Variants in SEMA3A observed in about 807,000 individuals in gnomAD.
The protein encoded by SEMA3A is semaphorin-3A.
Under a neutral mutation model 97.9 loss-of-function variants are expected in SEMA3A, and 29 were observed. That is an observed-to-expected ratio of 0.30 (90% CI 0.22 to 0.40). The LOEUF (loss-of-function observed/expected upper bound fraction) is 0.40, where lower values mean the gene tolerates loss of function less well. Among genes scored for constraint, SEMA3A ranks in the 10% least tolerant of loss-of-function variants. SEMA3A has a pLI of 1.00. For missense variants in SEMA3A, 763 were observed against 951.3 expected (o/e 0.80, Z 2.60); for synonymous variants, 321 against 323.7 (o/e 0.99, Z 0.09).
chr7:84,208,707 G>A lies in SEMA3A; in HGVS notation c.-82-14039C>T, dbSNP rs754661351. ...TACTGAATGATACAAACTCATGAGC[G>A]ATTTCTGGCATCTTAAGTATAAGTG... On this transcript the variant is annotated intron_variant, in intron 3 of 3. Coordinates refer to the SEMA3A transcript ENST00000424555. Among the ~76,000 whole-genome samples, 3 of 152,248 alleles carry A rather than the reference G, an allele frequency of 2.0e-5. No individual in the cohort carries two copies. The South Asian group carries it at 6.2e-4, about 32-fold the overall frequency.
intron 15 of SEMA3A, among the ~76,000 whole-genome samples, chr7:83,964,689 G>A (rs1788601902): frequency 6.6e-6 from 1 of 152,054 alleles, no homozygotes; most frequent in East Asian, 1.9e-4. Flanking sequence ...CCAATATTGG[G>A]AATTATCTGT....
chr7:84,397,436 T>A (rs1046141129), intron 1 of SEMA3A, among the ~76,000 whole-genome samples: 1 of 148,134 alleles, frequency 6.8e-6, no homozygotes, highest in Non-Finnish European at 1.5e-5. Flanking sequence ...AAATATATAA[T>A]ATATATTTTA....
chr7:84,010,278 T>G (rs2116410762), intron 9 of SEMA3A, among the ~76,000 whole-genome samples: 1 of 152,330 alleles, frequency 6.6e-6, no homozygotes, highest in South Asian at 2.1e-4. Flanking sequence ...AGCTAAAAGG[T>G]TGAGAAGCGA....
intron 15 of SEMA3A, among the ~76,000 whole-genome samples, chr7:83,966,744 T>A (rs1161107806): frequency 6.6e-6 from 1 of 151,628 alleles, no homozygotes; most frequent in African/African-American, 2.4e-5. Context: ...GGAGTTTCCC[T>A]ATTGTTGCCC....
intron 5 of SEMA3A, among the ~76,000 whole-genome samples, chr7:84,058,907 A>C: frequency 6.6e-6 from 1 of 152,290 alleles, no homozygotes; most frequent in East Asian, 1.9e-4. Context: ...GGGTGGTTGC[A>C]TACCATATGA....
intron 1 of SEMA3A, among the ~76,000 whole-genome samples, chr7:84,426,165 A>G (rs1421052460): frequency 1.3e-5 from 2 of 151,944 alleles, no homozygotes; most frequent in African/African-American, 2.4e-5. Context: ...AAAATTCCAG[A>G]CTTCATCACT....
chr7:83,975,457 T>C (rs952751620), intron 15 of SEMA3A, among the ~76,000 whole-genome samples: 1 of 152,152 alleles, frequency 6.6e-6, no homozygotes, highest in Non-Finnish European at 1.5e-5. Context: ...ATGTATGACA[T>C]AAGGTATTTT....
At chr7:84,091,266 AAAAAGAAAG>A (rs1794590342) in intron 4 of SEMA3A, among the ~76,000 whole-genome samples, 1 of 139,886 alleles carries the variant, frequency 7.1e-6, no homozygotes, top group Admixed American at 8.0e-5. Flanking sequence ...AAGGAAAGAG[AAAAAGAAAG>A]AAAAGAAAGA....
intron 6 of SEMA3A, among the ~76,000 whole-genome samples, chr7:84,038,975 CATA>C (rs1310232543): frequency 1.3e-5 from 2 of 152,094 alleles, no homozygotes; most frequent in African/African-American, 2.4e-5. Flanking sequence ...AATTTCCCCA[CATA>C]ATGATAGTAG....
intron 2 of SEMA3A, among the ~76,000 whole-genome samples, chr7:84,354,852 C>T (rs1802519047): frequency 1.3e-5 from 2 of 151,740 alleles, no homozygotes; most frequent in South Asian, 4.2e-4. Flanking sequence ...GATAAGTATA[C>T]TTAAGTCACT....
At chr7:84,066,958 C>G (rs532844016) in intron 4 of SEMA3A, among the ~76,000 whole-genome samples, 1 of 151,968 alleles carries the variant, frequency 6.6e-6, no homozygotes, top group Non-Finnish European at 1.5e-5. Context: ...GAGCCTGCAT[C>G]GCCAAGTCAA....
intron 3 of SEMA3A, among the ~76,000 whole-genome samples, chr7:84,292,534 G>C (rs1229513079): frequency 6.6e-6 from 1 of 151,678 alleles, no homozygotes; most frequent in South Asian, 2.1e-4. Flanking sequence ...ACATGTAAGA[G>C]AAGAGCCTTT....
intron 1 of SEMA3A, among the ~76,000 whole-genome samples, chr7:84,415,714 T>C (rs1274347168): frequency 6.6e-6 from 1 of 152,090 alleles, no homozygotes; most frequent in African/African-American, 2.4e-5. Flanking sequence ...TGTAGCATGT[T>C]TTGGCATTTT....
At chr7:84,025,962 T>G (rs761303869) in intron 6 of SEMA3A, among the ~76,000 whole-genome samples, 4 of 152,230 alleles carry the variant, frequency 2.6e-5, no homozygotes, top group Non-Finnish European at 4.4e-5. Flanking sequence ...TTCTACACTA[T>G]TTGGTTATTT....
At chr7:84,377,913 C>A (rs1189947005) in intron 1 of SEMA3A, among the ~76,000 whole-genome samples, 13 of 152,210 alleles carry the variant, frequency 8.5e-5, no homozygotes, top group South Asian at 2.1e-4. Flanking sequence ...TCAGTTACTG[C>A]TGATCAAAAT....
At chr7:84,140,665 T>C (rs1796269160) in intron 1 of SEMA3A, among the ~76,000 whole-genome samples, 1 of 152,164 alleles carries the variant, frequency 6.6e-6, no homozygotes, top group South Asian at 2.1e-4. Context: ...TGACCACATC[T>C]AGATATTTGT....
At chr7:84,363,298 C>G (rs937194480) in intron 2 of SEMA3A, among the ~76,000 whole-genome samples, 1 of 151,852 alleles carries the variant, frequency 6.6e-6, no homozygotes, top group African/African-American at 2.4e-5. Context: ...TGAGAGAAAA[C>G]AGTTCAGTGA....
At chr7:83,988,400 T>A (rs1789729462) in intron 12 of SEMA3A, among the ~76,000 whole-genome samples, 3 of 152,068 alleles carry the variant, frequency 2.0e-5, no homozygotes, top group African/African-American at 7.2e-5. Flanking sequence ...CTAATTTTTT[T>A]GTATTTTTAG....
At chr7:84,153,474 G>A (rs1400764394) in intron 1 of SEMA3A, among the ~76,000 whole-genome samples, 1 of 152,056 alleles carries the variant, frequency 6.6e-6, no homozygotes, top group African/African-American at 2.4e-5. Flanking sequence ...TCATGTGATG[G>A]CAAGTAAATG....
Sources: gnomAD v4.1 joint callset for allele counts (sites outside exome capture counted in the v4.1 genomes callset) on GRCh38, gnomAD v4.1.1 for gene constraint, MANE v1.5 for transcripts, NCBI Gene and HGNC (gene_info 2026-07-23, HGNC 2026-07-21) for gene names.